MTMR3: variants seen among roughly 807,000 people sequenced by gnomAD.
MTMR3 encodes the protein phosphatidylinositol-3,5-bisphosphate 3-phosphatase MTMR3.
MTMR3 carries 32 observed loss-of-function variants against 132.4 expected under a neutral mutation model. That is an observed-to-expected ratio of 0.24 (90% confidence interval 0.18 to 0.32). MTMR3 has a LOEUF of 0.32. MTMR3 is among the 10% of genes least tolerant of loss of function. The pLI, the probability that MTMR3 is intolerant of heterozygous loss-of-function variation, is 1.00. For synonymous variants in MTMR3, 556 were observed against 550.3 expected (o/e 1.01, Z -0.14); for missense variants, 1,216 against 1,489.6 (o/e 0.82, Z 3.02).
intron 5 of MTMR3, chr22:29,987,611 T>C (rs1270345379): frequency 2.6e-5 from 4 of 152,228 alleles, no homozygotes; most frequent in Admixed American, 2.6e-4. Flanking sequence ...ATTTAAGGGA[T>C]AGGAGGAGGA....
intron 2 of MTMR3, among the ~76,000 whole-genome samples, chr22:29,969,118 C>T (rs73398647): frequency 0.027 from 4,139 of 152,296 alleles, 191 homozygotes; most frequent in African/African-American, 0.096. Context: ...CTTTACTTGG[C>T]ATCTTTGTTT....
intron 1 of MTMR3, among the ~76,000 whole-genome samples, chr22:29,886,066 G>A (rs894463501): frequency 6.6e-6 from 1 of 152,182 alleles, no homozygotes; most frequent in East Asian, 1.9e-4. Flanking sequence ...AGTATCCAGC[G>A]CAGTTATCCG....
intron 1 of MTMR3, among the ~76,000 whole-genome samples, chr22:29,945,160 G>A (rs555526920): frequency 1.3e-5 from 2 of 152,202 alleles, no homozygotes; most frequent in South Asian, 2.1e-4. Flanking sequence ...CCACAGGCAC[G>A]TGCCATGAGG....
chr22:29,935,588 G>T lies in MTMR3; in HGVS notation c.-137-21448G>T, dbSNP rs117760358. Among the ~76,000 whole-genome samples the T allele has an allele frequency of 0.01, 1,583 of 152,250 alleles. 52 individuals carry two copies. In the East Asian group the frequency reaches 0.12, roughly 12 times the overall value. Reference sequence around the variant, plus strand: ...CATATTTCTCCACTAGGTCAAAGAGGTAAAGAATAGAAGTAACACTGCCAC... The same window carrying T: ...CATATTTCTCCACTAGGTCAAAGAGTTAAAGAATAGAAGTAACACTGCCAC... On this transcript the variant is annotated intron_variant, in intron 1 of 19. Coordinates refer to ENST00000401950, the MANE Select transcript of MTMR3 (RefSeq NM_021090.4).
intron 1 of MTMR3, among the ~76,000 whole-genome samples, chr22:29,904,809 ATG>A (rs71324794): frequency 1.2e-4 from 14 of 113,142 alleles, no homozygotes; most frequent in African/African-American, 3.2e-4. Context: ...TCAGAGGGGT[ATG>A]TGTGTGTGTT....
intron 1 of MTMR3, among the ~76,000 whole-genome samples, chr22:29,893,231 G>A (rs1289809432): frequency 1.3e-5 from 2 of 152,138 alleles, no homozygotes; most frequent in South Asian, 2.1e-4. Context: ...AAATATTTTC[G>A]TGGAAGAGGT....
In MTMR3 at chr22:29,929,241, A is replaced by G. The variant is rs188695159; in HGVS notation, c.-137-27795A>G. Among the ~76,000 whole-genome samples the G allele has an allele frequency of 9.9e-4, 151 of 152,180 alleles. 1 individual carries two copies. The highest frequency in any genetic ancestry group is 3.4e-3 in the Middle Eastern group (1 of 294). ...GGTTGCAGTGAGCTGAGATTGTGCC[A>G]TTACACTCCAGCCTGGGTGATAGAG... On this transcript the variant is annotated intron_variant, in intron 1 of 19. Coordinates refer to ENST00000401950, the MANE Select transcript of MTMR3 (RefSeq NM_021090.4).
intron 7 of MTMR3, chr22:29,997,074 G>T (rs1406291366): frequency 6.6e-6 from 1 of 152,178 alleles, no homozygotes; most frequent in Non-Finnish European, 1.5e-5. Flanking sequence ...GCAATTTGTA[G>T]ACAGATGGCA....
At chr22:29,972,344 C>CTGG (rs2145874489) in intron 3 of MTMR3, among the ~76,000 whole-genome samples, 1 of 152,248 alleles carries the variant, frequency 6.6e-6, no homozygotes, top group South Asian at 2.1e-4. Context: ...GGTCCTCTTC[C>CTGG]TGGTGCTGCT....
At chr22:30,014,717 G>A (rs1004727135) in intron 14 of MTMR3, 1 of 152,042 alleles carries the variant, frequency 6.6e-6, no homozygotes, top group Non-Finnish European at 1.5e-5. Context: ...GTCTCGCTAT[G>A]TTGCCCAGGC....
chr22:29,933,710 T>C (rs1433017092), intron 1 of MTMR3, among the ~76,000 whole-genome samples: 1 of 151,246 alleles, frequency 6.6e-6, no homozygotes, highest in Non-Finnish European at 1.5e-5. Context: ...GATGATAGTG[T>C]AAACCCAACA....
intron 1 of MTMR3, among the ~76,000 whole-genome samples, chr22:29,933,032 G>A (rs538761690): frequency 2.0e-5 from 3 of 152,114 alleles, no homozygotes; most frequent in East Asian, 1.9e-4. Flanking sequence ...GCAGTGGTGC[G>A]ATCTCAGTTC....
chr22:29,917,969 A>G (rs2065340256), intron 1 of MTMR3, among the ~76,000 whole-genome samples: 1 of 152,250 alleles, frequency 6.6e-6, no homozygotes, highest in Non-Finnish European at 1.5e-5. Context: ...TACTTGATAC[A>G]GAGAAGTTGC....
intron 1 of MTMR3, among the ~76,000 whole-genome samples, chr22:29,896,085 A>AGATG (rs2064889497): frequency 6.6e-6 from 1 of 152,202 alleles, no homozygotes; most frequent in Non-Finnish European, 1.5e-5. Context: ...GGAGGTGGGC[A>AGATG]GATCACTTGA....
chr22:30,013,205 C>T (rs773878706), intron 13 of MTMR3, 151 bp from the exon 14 acceptor site: 46 of 625,486 alleles, frequency 7.4e-5, no homozygotes, highest in South Asian at 1.2e-4. Flanking sequence ...GTGTGTGCCT[C>T]ATCAGGGATA....
At chr22:29,919,906 AAATT>A in intron 1 of MTMR3, among the ~76,000 whole-genome samples, 1 of 152,198 alleles carries the variant, frequency 6.6e-6, no homozygotes, top group South Asian at 2.1e-4. Flanking sequence ...TTCAGAATCT[AAATT>A]TATTAGGATA....
intron 1 of MTMR3, among the ~76,000 whole-genome samples, chr22:29,929,776 T>C (rs766427633): frequency 3.9e-5 from 6 of 152,260 alleles, no homozygotes; most frequent in Non-Finnish European, 5.9e-5. Context: ...CCTCCAAAAG[T>C]GCTGGAATTA....
intron 1 of MTMR3, among the ~76,000 whole-genome samples, chr22:29,896,894 C>CACAT (rs2064910630): frequency 6.6e-6 from 1 of 150,742 alleles, no homozygotes; most frequent in Non-Finnish European, 1.5e-5. Flanking sequence ...CACACACACA[C>CACAT]ACACACACAT....
chr22:30,030,638 C>CGGGGGGG lies in MTMR3; in HGVS notation c.*4841_*4847dup, dbSNP rs5844886. 3 of 50,446 alleles carry CGGGGGGG rather than the reference C, an allele frequency of 5.9e-5. No individual in the cohort carries two copies. The highest frequency in any genetic ancestry group is 4.0e-5 in the Non-Finnish European group (1 of 24,894). The allele number at this position is 50,446 out of a possible 1,614,324, so 3.1% of individuals were successfully genotyped here. A position where few individuals can be genotyped will look rare whatever the true frequency, so the allele number is the denominator to read the frequency against. Reference sequence around the variant, plus strand: ...AGAGGGGCTCTCAGCGAGGAGGGGGCGGGGGGGGGGTCACTATTTATCTTC... The same window carrying CGGGGGGG: ...AGAGGGGCTCTCAGCGAGGAGGGGGCGGGGGGGGGGGGGGGGGTCACTATTTATCTTC... On this transcript the variant is annotated 3_prime_UTR_variant, in exon 20 of 20. Coordinates refer to ENST00000401950, the MANE Select transcript of MTMR3 (RefSeq NM_021090.4).
Sources: gnomAD v4.1 joint callset for allele counts (sites outside exome capture counted in the v4.1 genomes callset) on GRCh38, gnomAD v4.1.1 for gene constraint, MANE v1.5 for transcripts, NCBI Gene and HGNC (gene_info 2026-07-23, HGNC 2026-07-21) for gene names.